GRIN3A: variants seen among roughly 807,000 people sequenced by gnomAD.
GRIN3A encodes glutamate ionotropic receptor NMDA type subunit 3A.
Under a neutral mutation model 92.4 loss-of-function variants are expected in GRIN3A, and 47 were observed. The ratio of observed to expected loss-of-function variants is 0.51; its 90% CI spans 0.40 to 0.65. The LOEUF (loss-of-function observed/expected upper bound fraction) is 0.65. GRIN3A is among the 30% of genes least tolerant of loss of function. The pLI is 0.00. For missense variants in GRIN3A, 1,324 were observed against 1,393.1 expected, an observed-to-expected ratio of 0.95 and a Z score of 0.79; for synonymous variants, 527 against 540.6, an observed-to-expected ratio of 0.97 and a Z score of 0.35.
At chr9:101,640,524 C>T (rs78410767) in intron 3 of GRIN3A, among the ~76,000 whole-genome samples, 10,807 of 152,222 alleles carry the variant, frequency 0.071, 515 homozygotes, top group East Asian at 0.22. Flanking sequence ...GGCTTACATA[C>T]ATTTGACATA....
chr9:101,727,318 A>G (rs868139300), intron 1 of GRIN3A, among the ~76,000 whole-genome samples: 2 of 152,224 alleles, frequency 1.3e-5, no homozygotes, highest in South Asian at 4.1e-4. Context: ...CAATTTTATA[A>G]CACACATATA....
intron 1 of GRIN3A, among the ~76,000 whole-genome samples, chr9:101,690,358 C>T (rs990481624): frequency 1.3e-5 from 2 of 152,066 alleles, no homozygotes; most frequent in South Asian, 2.1e-4. Context: ...GATGAAACTC[C>T]ACTCTACTCC....
chr9:101,623,558 G>A, intron 4 of GRIN3A, 125 bp from the exon 5 acceptor site: 2 of 715,738 alleles, frequency 2.8e-6, no homozygotes, highest in Non-Finnish European at 5.0e-6. Flanking sequence ...AAGCTACCTA[G>A]GTGCTGACTT....
intron 1 of GRIN3A, among the ~76,000 whole-genome samples, chr9:101,688,735 A>G (rs1588284045): frequency 6.6e-6 from 1 of 152,144 alleles, no homozygotes; most frequent in Non-Finnish European, 1.5e-5. Flanking sequence ...CCTGGCTGTT[A>G]TGGTGAAACC....
At chr9:101,573,600 A>C (rs1827789442) in intron 8 of GRIN3A, 87 bp from the exon 9 acceptor site, 1 of 1,043,400 alleles carries the variant, frequency 9.6e-7, no homozygotes, top group Non-Finnish European at 1.5e-6. Context: ...CCTGTGCAAT[A>C]ATATGGAGCT....
chr9:101,689,019 G>C (rs560744367), intron 1 of GRIN3A, among the ~76,000 whole-genome samples: 2 of 152,170 alleles, frequency 1.3e-5, no homozygotes, highest in Non-Finnish European at 2.9e-5. Context: ...TGAGGTGAGA[G>C]AAATGGAAGC....
At chr9:101,649,064 G>T (rs1828976929) in intron 3 of GRIN3A, among the ~76,000 whole-genome samples, 1 of 151,986 alleles carries the variant, frequency 6.6e-6, no homozygotes, top group Non-Finnish European at 1.5e-5. Context: ...CCTTTCCATT[G>T]TTCTTAATTC....
chr9:101,737,356 C>A lies in GRIN3A; in HGVS notation c.624G>T (p.Glu208Asp). ...AFPQSQGEMM[E>D]LDLVSLVLHI... ...GCAGGACTAAGCTGACCAAGTCGAG[C>A]TCCATCATTTCGCCCTGGCTCTGGG... Residue 208 changes from glutamate to aspartate, a missense_variant, in exon 1 of 9, where the codon GAG (glutamate) becomes GAT (aspartate). By Grantham distance (45) the Glu-to-Asp change is conservative. Coordinates refer to ENST00000361820, the MANE Select transcript of GRIN3A (RefSeq NM_133445.3). 1 of 1,614,246 alleles carries A rather than the reference C, an allele frequency of 6.2e-7. No homozygotes were observed.
At chr9:101,664,066 C>T (rs946805917) in intron 3 of GRIN3A, among the ~76,000 whole-genome samples, 6 of 151,786 alleles carry the variant, frequency 4.0e-5, no homozygotes, top group Admixed American at 3.3e-4. Flanking sequence ...TTTTCTCATC[C>T]CATCTTAGAT....
At chr9:101,695,715 T>A (rs529845917) in intron 1 of GRIN3A, among the ~76,000 whole-genome samples, 1 of 152,252 alleles carries the variant, frequency 6.6e-6, no homozygotes, top group African/African-American at 2.4e-5. Context: ...ATTAGCAAAC[T>A]TCTTTGTGCT....
At chr9:101,622,566 G>A (rs1033708009) in intron 5 of GRIN3A, among the ~76,000 whole-genome samples, 1 of 152,172 alleles carries the variant, frequency 6.6e-6, no homozygotes. Context: ...GCTGCCAGTG[G>A]AGAAAAAGAC....
intron 6 of GRIN3A, among the ~76,000 whole-genome samples, chr9:101,599,547 T>C (rs1244567839): frequency 6.6e-6 from 1 of 152,160 alleles, no homozygotes; most frequent in African/African-American, 2.4e-5. Context: ...TCACTGTGGA[T>C]TGATGTGGAC....
chr9:101,615,405 T>C (rs547539345), intron 5 of GRIN3A, among the ~76,000 whole-genome samples: 20,068 of 146,970 alleles, frequency 0.14, 2,665 homozygotes, highest in African/African-American at 0.36. Flanking sequence ...TTTTTTTTTT[T>C]TGAGACAGAG....
At chr9:101,596,576 C>T (rs1828136477) in intron 6 of GRIN3A, among the ~76,000 whole-genome samples, 1 of 152,154 alleles carries the variant, frequency 6.6e-6, no homozygotes, top group African/African-American at 2.4e-5. Context: ...TATCCAGGCC[C>T]TGCAGGTGCA....
chr9:101,579,617 G>A (rs962613552), intron 6 of GRIN3A, among the ~76,000 whole-genome samples: 8 of 152,120 alleles, frequency 5.3e-5, no homozygotes. Flanking sequence ...CTCTCCAACC[G>A]ACTGAACGAA....
At chr9:101,684,426 A>G (rs1202494295) in intron 2 of GRIN3A, among the ~76,000 whole-genome samples, 1 of 151,954 alleles carries the variant, frequency 6.6e-6, no homozygotes, top group Non-Finnish European at 1.5e-5. Context: ...GTCAATTTCA[A>G]TAAATACCTA....
chr9:101,604,927 G>C (rs532115202), intron 6 of GRIN3A, among the ~76,000 whole-genome samples: 5 of 152,098 alleles, frequency 3.3e-5, no homozygotes, highest in African/African-American at 9.7e-5. Flanking sequence ...TGCTGTGAGA[G>C]AACTCCATTT....
At chr9:101,692,676 C>T (rs1829634858) in intron 1 of GRIN3A, among the ~76,000 whole-genome samples, 2 of 152,108 alleles carry the variant, frequency 1.3e-5, no homozygotes, top group Non-Finnish European at 2.9e-5. Context: ...TTACTAAATA[C>T]ATTTGAGAGG....
intron 6 of GRIN3A, chr9:101,594,572 T>C (rs781377759): frequency 1.9e-6 from 3 of 1,614,086 alleles, no homozygotes; most frequent in Non-Finnish European, 2.5e-6. Context: ...CACCATCATC[T>C]TCAGCACCTG....
Sources: gnomAD v4.1 joint callset for allele counts (sites outside exome capture counted in the v4.1 genomes callset) on GRCh38, gnomAD v4.1.1 for gene constraint, MANE v1.5 for transcripts, NCBI Gene and HGNC (gene_info 2026-07-23, HGNC 2026-07-21) for gene names.